Variants in BCKDHB observed in about 807,000 individuals in gnomAD.
BCKDHB encodes 2-oxoisovalerate dehydrogenase subunit beta, mitochondrial.
Under a neutral mutation model 48.5 loss-of-function variants are expected in BCKDHB, and 41 were observed. The observed-to-expected ratio is 0.85, with a 90% CI of 0.66 to 1.10. The LOEUF (loss-of-function observed/expected upper bound fraction) is 1.10. Among genes scored for constraint, BCKDHB ranks in the 50% least tolerant of loss-of-function variants. The pLI, the probability that BCKDHB is intolerant of heterozygous loss-of-function variation, is 0.00. For synonymous variants in BCKDHB, 201 were observed against 174.8 expected (o/e 1.15, Z -1.18); for missense variants, 496 against 494.2 (o/e 1.00, Z -0.03).
chr6:80,392,764 A>G, the BCKDHB span, among the ~76,000 whole-genome samples: 1 of 151,694 alleles, frequency 6.6e-6, no homozygotes, highest in Admixed American at 6.6e-5. Flanking sequence ...TAGTCTAGTT[A>G]AAGTGACAGC....
intron 9 of BCKDHB, chr6:80,307,570 A>C: frequency 1.0e-6 from 1 of 985,134 alleles, no homozygotes; most frequent in South Asian, 4.7e-5. Context: ...ATGACTAAAA[A>C]AAATCTTCTA....
At chr6:80,459,782 C>T in the BCKDHB span, among the ~76,000 whole-genome samples, 1 of 151,956 alleles carries the variant, frequency 6.6e-6, no homozygotes, top group East Asian at 1.9e-4. Context: ...CTTTTATTTC[C>T]AAATATGTAA....
At chr6:80,422,396 A>AT in the BCKDHB span, among the ~76,000 whole-genome samples, 1 of 152,184 alleles carries the variant, frequency 6.6e-6, no homozygotes, top group Non-Finnish European at 1.5e-5. Context: ...CTCTAGGGCA[A>AT]TGCAGAGGGA....
chr6:80,446,720 A>ATTTT, the BCKDHB span, among the ~76,000 whole-genome samples: 114 of 111,326 alleles, frequency 1.0e-3, 1 homozygote, highest in Middle Eastern at 5.4e-3. Context: ...CTTCTGGACA[A>ATTTT]TTTTTTTTTT....
intron 1 of BCKDHB, among the ~76,000 whole-genome samples, chr6:80,114,333 C>T (rs1769573286): frequency 6.6e-6 from 1 of 151,464 alleles, no homozygotes; most frequent in African/African-American, 2.4e-5. Flanking sequence ...ACTGCAGTCT[C>T]TACTTCCCAG....
the BCKDHB span, among the ~76,000 whole-genome samples, chr6:80,394,212 A>AT: frequency 1.3e-5 from 2 of 151,582 alleles, no homozygotes; most frequent in African/African-American, 4.8e-5. Context: ...TGTATTTCTA[A>AT]TTTTCTTATG....
chr6:80,176,868 G>T (rs1773180377), intron 6 of BCKDHB, among the ~76,000 whole-genome samples: 1 of 152,092 alleles, frequency 6.6e-6, no homozygotes, highest in Admixed American at 6.5e-5. Flanking sequence ...CCTTTGAGCG[G>T]AAACAAGAAA....
chr6:80,106,713 C>CT lies in BCKDHB; in HGVS notation c.21dup (p.Ala8CysfsTer13), dbSNP rs2127698713. The stretch of plus-strand genomic sequence containing the variant: ...GCGGGGATGGCGGTTGTAGCGGCGG[C>CT]TGCCGGCTGGCTACTCAGGCTCAGG... On this transcript the variant is annotated frameshift_variant, in exon 1 of 10. Transcript: ENST00000320393. LOFTEE classifies it high-confidence loss of function. 6.4e-7 allele frequency: 1 copy of CT among 1,552,176 alleles called. No individual in the cohort carries two copies. Among genetic ancestry groups the CT allele is most frequent in the Non-Finnish European group, 8.7e-7 (1 of 1,148,598 alleles).
chr6:80,430,058 A>G, the BCKDHB span, among the ~76,000 whole-genome samples: 2 of 152,170 alleles, frequency 1.3e-5, no homozygotes, highest in East Asian at 3.8e-4. Context: ...TAGTTTATTG[A>G]GAGTTTTTAG....
intron 6 of BCKDHB, among the ~76,000 whole-genome samples, chr6:80,179,859 A>G (rs1327285471): frequency 1.3e-5 from 2 of 152,194 alleles, no homozygotes; most frequent in African/African-American, 4.8e-5. Flanking sequence ...GTCCCCAGAT[A>G]GAGGCAAAGG....
chr6:80,185,708 T>C (rs1773611097), intron 6 of BCKDHB, among the ~76,000 whole-genome samples: 1 of 152,290 alleles, frequency 6.6e-6, no homozygotes, highest in South Asian at 2.1e-4. Context: ...CTTTAGCCAC[T>C]CAGCGGGGCT....
Position 80,171,282 on chromosome 6 carries a change from G to A in BCKDHB, c.634G>A (p.Val212Met). Residue 212 changes from valine (V) to methionine (M), a missense_variant and splice_region_variant, in exon 6 of 10, where the codon GTG becomes ATG. Coordinates refer to ENST00000320393, the MANE Select transcript of BCKDHB (RefSeq NM_183050.4). ...AFFAHCPGIK[V>M]VIPRSPFQAK... The stretch of plus-strand genomic sequence containing the variant: ...GTCTTAAAAAAATCTGTTTTTGCAG[G>A]TGGTTATACCCAGAAGCCCTTTCCA... 1.3e-6 allele frequency: 2 copies of A among 1,597,226 alleles called. No homozygotes were observed. The highest frequency in any genetic ancestry group is 2.2e-5 in the East Asian group (1 of 44,508).
the BCKDHB span, among the ~76,000 whole-genome samples, chr6:80,386,202 T>C: frequency 6.6e-6 from 1 of 151,868 alleles, no homozygotes; most frequent in South Asian, 2.1e-4. Flanking sequence ...ATTGCTTTTC[T>C]CTAGATGTCA....
At chr6:80,434,144 T>C in the BCKDHB span, among the ~76,000 whole-genome samples, 1 of 152,126 alleles carries the variant, frequency 6.6e-6, no homozygotes. Context: ...TTTCTGCCAT[T>C]ATATTCTGCC....
intron 9 of BCKDHB, among the ~76,000 whole-genome samples, chr6:80,342,854 A>G (rs1348519416): frequency 6.6e-6 from 1 of 152,202 alleles, no homozygotes; most frequent in East Asian, 1.9e-4. Flanking sequence ...ATAATTTTCT[A>G]CAGTGTTCTA....
chr6:80,403,900 A>G, the BCKDHB span, among the ~76,000 whole-genome samples: 1 of 151,982 alleles, frequency 6.6e-6, no homozygotes, highest in Non-Finnish European at 1.5e-5. Context: ...TGTATGTTGA[A>G]TAATCTTTGC....
At chr6:80,370,372 A>G in the BCKDHB span, among the ~76,000 whole-genome samples, 2 of 152,174 alleles carry the variant, frequency 1.3e-5, no homozygotes, top group African/African-American at 4.8e-5. Flanking sequence ...ATATTGGTAG[A>G]TGCTGCATGC....
intron 9 of BCKDHB, among the ~76,000 whole-genome samples, chr6:80,335,203 TA>T (rs11322798): frequency 0.93 from 136,030 of 146,976 alleles, 63,148 homozygotes; most frequent in East Asian, 0.99. Flanking sequence ...TTGGTGGTGT[TA>T]AGACTGCTAG....
chr6:80,449,631 C>A, the BCKDHB span, among the ~76,000 whole-genome samples: 36 of 152,072 alleles, frequency 2.4e-4, no homozygotes, highest in African/African-American at 7.7e-4. Context: ...TGACAAAAAC[C>A]CTTTATAGAT....
Sources: gnomAD v4.1 joint callset for allele counts (sites outside exome capture counted in the v4.1 genomes callset) on GRCh38, gnomAD v4.1.1 for gene constraint, MANE v1.5 for transcripts, NCBI Gene and HGNC (gene_info 2026-07-23, HGNC 2026-07-21) for gene names.